Variants in MYOM2 observed in about 807,000 individuals in gnomAD.
The protein encoded by MYOM2 is myomesin 2.
Under a neutral mutation model 187.6 loss-of-function variants are expected in MYOM2, and 254 were observed. That is an observed-to-expected ratio of 1.35 (90% CI 1.22 to 1.50). MYOM2 has a LOEUF of 1.50. Ranked by LOEUF, MYOM2 falls within the 40% of genes most tolerant of loss-of-function variation. MYOM2 has a pLI of 0.00. For missense variants in MYOM2, 2,796 were observed against 1,924.0 expected (o/e 1.45, Z -8.48); for synonymous variants, 981 against 753.8 (o/e 1.30, Z -4.94).
At chr8:2,090,287 A>T in intron 15 of MYOM2, 96 bp downstream of exon 15, 1 of 1,215,464 alleles carries the variant, frequency 8.2e-7, no homozygotes, top group Non-Finnish European at 1.1e-6. Context: ...CATTAATGTT[A>T]TAAACGAGTT....
At chr8:2,074,685 T>C (rs1018223863) in intron 10 of MYOM2, among the ~76,000 whole-genome samples, 2 of 152,070 alleles carry the variant, frequency 1.3e-5, no homozygotes, top group Non-Finnish European at 2.9e-5. Flanking sequence ...GAACTCTTGA[T>C]CATAAGTGAT....
chr8:2,049,511 C>G (rs6992142), intron 1 of MYOM2, among the ~76,000 whole-genome samples: 95,680 of 152,040 alleles, frequency 0.63, 31,080 homozygotes, highest in East Asian at 0.81. Context: ...TGAACTATGA[C>G]AAATTCATCT....
At chr8:2,087,960 A>T (rs1405442890) in intron 14 of MYOM2, among the ~76,000 whole-genome samples, 2 of 152,098 alleles carry the variant, frequency 1.3e-5, no homozygotes, top group Non-Finnish European at 2.9e-5. Flanking sequence ...ACATTTTTAG[A>T]GAGAGGACTC....
intron 31 of MYOM2, among the ~76,000 whole-genome samples, chr8:2,128,892 T>C (rs755753196): frequency 2.6e-5 from 4 of 152,220 alleles, no homozygotes; most frequent in Non-Finnish European, 5.9e-5. Flanking sequence ...TCTATATCTT[T>C]TACAGTATTC....
chr8:2,142,713 C>G (rs1167531288), intron 35 of MYOM2, among the ~76,000 whole-genome samples: 1 of 17,520 alleles, frequency 5.7e-5, no homozygotes, highest in African/African-American at 2.6e-4. Context: ...CCCTTCCCTC[C>G]CTCCCTCCCT....
At chr8:2,074,083 G>A (rs13270745) in intron 10 of MYOM2, among the ~76,000 whole-genome samples, 116,564 of 152,152 alleles carry the variant, frequency 0.77, 44,871 homozygotes, top group African/African-American at 0.85. Flanking sequence ...CGTCTTCACA[G>A]CAGACTCACT....
At chr8:2,142,796 C>G (rs1446102591) in intron 35 of MYOM2, among the ~76,000 whole-genome samples, 13 of 148,768 alleles carry the variant, frequency 8.7e-5, no homozygotes, top group Non-Finnish European at 1.8e-4. Flanking sequence ...TGCTCTGTCA[C>G]CCAGGCTGGA....
At chr8:2,087,441 A>G (rs1796131854) in intron 14 of MYOM2, among the ~76,000 whole-genome samples, 1 of 152,168 alleles carries the variant, frequency 6.6e-6, no homozygotes, top group Non-Finnish European at 1.5e-5. Context: ...GAAATATTTC[A>G]GGGTAAAGCA....
chr8:2,096,108 G>C (rs1202873044), intron 17 of MYOM2, 139 bp from the exon 18 acceptor site: 3 of 745,250 alleles, frequency 4.0e-6, no homozygotes, highest in Non-Finnish European at 6.8e-6. Flanking sequence ...AGTGTGGGTT[G>C]AGAGGGATCA....
At chr8:2,079,746 A>C (rs1819558424) in intron 13 of MYOM2, 133 bp downstream of exon 13, 1 of 933,936 alleles carries the variant, frequency 1.1e-6, no homozygotes, top group African/African-American at 1.6e-5. Context: ...ACCGCAGGTC[A>C]GGCCTGCAAG....
rs146304504 is a variant in MYOM2, at chr8:2,096,758, C to T, written c.2313+324C>T. Among the ~76,000 whole-genome samples, 275 of 152,210 alleles carry T rather than the reference C, an allele frequency of 1.8e-3. 1 individual carries two copies. The highest frequency in any genetic ancestry group is 2.3e-3 in the Non-Finnish European group (158 of 68,008). ...GGCTCTGAGGCCTTGAGGGCAGGGA[C>T]GGAGTCTCACATGTGTGCCTGAGGG... On this transcript the variant is annotated intron_variant, in intron 18 of 36. Transcript: ENST00000262113.
Position 2,142,394 on chromosome 8 carries a change from A to T in MYOM2, c.4021A>T (p.Lys1341Ter), listed in dbSNP as rs764170986. 5 of 1,613,668 alleles carry T rather than the reference A, an allele frequency of 3.1e-6. No homozygotes were observed. In the African/African-American group the frequency reaches 6.7e-5, roughly 22 times the overall value. ...TTTTAGAGCTGCTGCTTTTGCAGAG[A>T]AGAGTAAGTACCTGTTGGATTGTAA... ...QQFKAAAFAE[K>*]NRGRLIGGLP... The change falls in exon 35 of 37, where the codon AAG becomes TAG. Residue 1341 changes from lysine (K) to a stop codon, truncating the protein, a stop_gained. Coordinates refer to ENST00000262113, the MANE Select transcript of MYOM2 (RefSeq NM_003970.4). LOFTEE classifies it high-confidence loss of function.
rs140264101 is a variant in MYOM2 at position 2,064,007 on chromosome 8, T to C, written c.653+4762T>C. On this transcript the variant is annotated intron_variant, in intron 6 of 36. Transcript: ENST00000262113. ...AGACTGGGGGTGAGCTGAGTGCCTG[T>C]GTGGGGCCTCGGGAAGGGGAGGAAG... Among the ~76,000 whole-genome samples, 217 of 152,270 alleles carry C rather than the reference T, an allele frequency of 1.4e-3. 3 individuals are homozygous for C. The highest frequency in any genetic ancestry group is 4.9e-3 in the African/African-American group (205 of 41,570).
At chr8:2,046,941 A>C (rs1818330857) in intron 1 of MYOM2, among the ~76,000 whole-genome samples, 1 of 152,110 alleles carries the variant, frequency 6.6e-6, no homozygotes, top group Non-Finnish European at 1.5e-5. Flanking sequence ...GAAGATCAGA[A>C]ATCCAGAATG....
chr8:2,086,623 C>G (rs1585880909), intron 14 of MYOM2, among the ~76,000 whole-genome samples: 3 of 152,246 alleles, frequency 2.0e-5, no homozygotes, highest in South Asian at 4.1e-4. Context: ...GGGCTGTGGT[C>G]ACACGGCAGC....
At chr8:2,121,556 G>T (rs1018040931) in intron 28 of MYOM2, among the ~76,000 whole-genome samples, 1 of 152,156 alleles carries the variant, frequency 6.6e-6, no homozygotes, top group Non-Finnish European at 1.5e-5. Flanking sequence ...TTGTGTCCCT[G>T]TCAAGCCTGT....
At chr8:2,112,707 T>G (rs1182299150) in intron 25 of MYOM2, among the ~76,000 whole-genome samples, 1 of 152,188 alleles carries the variant, frequency 6.6e-6, no homozygotes, top group Non-Finnish European at 1.5e-5. Context: ...CCGGTGGCAC[T>G]GGCATTTGCA....
At chr8:2,143,282 T>G in intron 35 of MYOM2, 119 bp from the exon 36 acceptor site, 1 of 1,135,572 alleles carries the variant, frequency 8.8e-7, no homozygotes, top group South Asian at 1.3e-5. Flanking sequence ...ATGCTCGCTC[T>G]CTCCTGAGCA....
chr8:2,097,441 G>A (rs1796532708), intron 18 of MYOM2, among the ~76,000 whole-genome samples: 1 of 152,144 alleles, frequency 6.6e-6, no homozygotes, highest in Admixed American at 6.5e-5. Context: ...ATTAAATCAA[G>A]CCAATTAACA....
Sources: gnomAD v4.1 joint callset for allele counts (sites outside exome capture counted in the v4.1 genomes callset) on GRCh38, gnomAD v4.1.1 for gene constraint, MANE v1.5 for transcripts, NCBI Gene and HGNC (gene_info 2026-07-23, HGNC 2026-07-21) for gene names.